The following STK24 variants were observed in gnomAD, a reference collection of about 807,000 sequenced individuals.
STK24 encodes the protein serine/threonine-protein kinase 24.
Under a neutral mutation model 55.6 loss-of-function variants are expected in STK24, and 21 were observed. That is an observed-to-expected ratio of 0.38 (90% CI 0.27 to 0.54). STK24 has a LOEUF of 0.54. STK24 is among the 20% of genes least tolerant of loss of function. The pLI is 0.79. For missense variants in STK24, 383 were observed against 538.4 expected, an observed-to-expected ratio of 0.71 and a Z score of 2.86; for synonymous variants, 200 against 215.2, an observed-to-expected ratio of 0.93 and a Z score of 0.62.
At chr13:98,469,112 C>T (rs529512788) in intron 5 of STK24, among the ~76,000 whole-genome samples, 11 of 152,334 alleles carry the variant, frequency 7.2e-5, no homozygotes, top group South Asian at 4.1e-4. Context: ...GGCGGCCGAA[C>T]GCCTGCTTGC....
chr13:98,497,967 C>T (rs1268298898), intron 2 of STK24, among the ~76,000 whole-genome samples: 1 of 152,190 alleles, frequency 6.6e-6, no homozygotes, highest in East Asian at 1.9e-4. Flanking sequence ...AGTCCCAAGC[C>T]CACACCCCAC....
At chr13:98,526,472 AAG>A in intron 1 of STK24, among the ~76,000 whole-genome samples, 1 of 152,256 alleles carries the variant, frequency 6.6e-6, no homozygotes, top group African/African-American at 2.4e-5. Context: ...AACTGAGCAG[AAG>A]AGATATTGAG....
intron 3 of STK24, among the ~76,000 whole-genome samples, chr13:98,479,719 C>T (rs1342638755): frequency 2.0e-5 from 3 of 152,192 alleles, no homozygotes; most frequent in African/African-American, 4.8e-5. Context: ...CCCTCAGCTC[C>T]GGGAGACCCT....
At chr13:98,517,661 T>C (rs1896114497) in intron 2 of STK24, among the ~76,000 whole-genome samples, 1 of 152,172 alleles carries the variant, frequency 6.6e-6, no homozygotes, top group Non-Finnish European at 1.5e-5. Flanking sequence ...ATCAAGATGC[T>C]GGCATTCCCC....
At chr13:98,515,375 G>GGGACA (rs55643226) in intron 2 of STK24, among the ~76,000 whole-genome samples, 38,705 of 151,742 alleles carry the variant, frequency 0.26, 5,089 homozygotes, top group Non-Finnish European at 0.3. Flanking sequence ...TATAATGGCT[G>GGGACA]GGACATGGAG....
At chr13:98,554,077 A>G (rs1897225992) in intron 1 of STK24, among the ~76,000 whole-genome samples, 1 of 151,892 alleles carries the variant, frequency 6.6e-6, no homozygotes, top group South Asian at 2.1e-4. Flanking sequence ...TCAAAAAAAA[A>G]AAAAAAGGAA....
chr13:98,470,181 G>C (rs1206100059), intron 5 of STK24, among the ~76,000 whole-genome samples: 1 of 152,176 alleles, frequency 6.6e-6, no homozygotes, highest in East Asian at 1.9e-4. Flanking sequence ...TCTTTTGGCA[G>C]GGAGGGGACT....
chr13:98,491,494 A>G (rs1049950632), intron 2 of STK24, among the ~76,000 whole-genome samples: 2 of 152,200 alleles, frequency 1.3e-5, no homozygotes, highest in African/African-American at 2.4e-5. Flanking sequence ...ATAAAACCTG[A>G]AATAACACAA....
intron 1 of STK24, among the ~76,000 whole-genome samples, chr13:98,554,164 T>C (rs892570874): frequency 1.9e-4 from 29 of 151,836 alleles, no homozygotes; most frequent in Non-Finnish European, 2.2e-4. Context: ...ATAAAGCATT[T>C]AAGCCCCCCA....
At chr13:98,568,653 G>A (rs1231555548) in intron 1 of STK24, among the ~76,000 whole-genome samples, 1 of 152,028 alleles carries the variant, frequency 6.6e-6, no homozygotes, top group African/African-American at 2.4e-5. Context: ...GATCACCTGA[G>A]GTCAGGAGTT....
rs1594552829 is a variant in STK24, at chr13:98,446,903, A to AGAT, written c.*6267_*6269dup. On this transcript the variant is annotated 3_prime_UTR_variant, in exon 11 of 11. Transcript: ENST00000539966. ...AGGATTTCTCCCAAGTCAGCGAGTGAGATGGCCCCACCCTTCCCTGCCAAC... is the reference window on the plus strand; with the variant it reads ...AGGATTTCTCCCAAGTCAGCGAGTGAGATGATGGCCCCACCCTTCCCTGCCAAC... 1.5e-5 allele frequency: 21 copies of AGAT among 1,429,252 alleles called. No homozygotes were observed. The East Asian group carries it at 4.8e-4, about 33-fold the overall frequency. The allele number at this position is 1,429,252 out of a possible 1,614,324, so 88.5% of individuals were successfully genotyped here. A position where few individuals can be genotyped will look rare whatever the true frequency, so the allele number is the denominator to read the frequency against.
chr13:98,476,318 T>A (rs9584857), intron 3 of STK24, among the ~76,000 whole-genome samples: 1 of 150,504 alleles, frequency 6.6e-6, no homozygotes, highest in African/African-American at 2.4e-5. Context: ...AAGCCACCAG[T>A]GCTCCCCGGA....
chr13:98,564,618 C>T (rs1026651045), intron 1 of STK24, among the ~76,000 whole-genome samples: 1 of 152,174 alleles, frequency 6.6e-6, no homozygotes, highest in Non-Finnish European at 1.5e-5. Context: ...GAGCAGCAGG[C>T]AATACCACAG....
chr13:98,523,758 C>T (rs1001660700), intron 1 of STK24, among the ~76,000 whole-genome samples: 1 of 152,234 alleles, frequency 6.6e-6, no homozygotes, highest in Non-Finnish European at 1.5e-5. Flanking sequence ...TCCACAGAAT[C>T]ACGAGAAATC....
intron 2 of STK24, among the ~76,000 whole-genome samples, chr13:98,494,215 T>G: frequency 1.4e-5 from 2 of 145,190 alleles, no homozygotes; most frequent in Admixed American, 6.8e-5. Flanking sequence ...ATCGAGACCA[T>G]CCTGGCTAAC....
In STK24 at chr13:98,445,802, G is replaced by T; in HGVS notation, c.*7371C>A. On this transcript the variant is annotated 3_prime_UTR_variant, in exon 11 of 11. Coordinates refer to ENST00000539966, the MANE Select transcript of STK24 (RefSeq NM_001032296.4). The stretch of plus-strand genomic sequence containing the variant: ...TCGTCTTCACTAGTTACCCTGCAAC[G>T]AGCCTATTTCCAAATAAGCCTGTGT... 1 of 275,204 alleles carries T rather than the reference G, an allele frequency of 3.6e-6. No individual in the cohort carries two copies. The highest frequency in any genetic ancestry group is 4.9e-5 in the South Asian group (1 of 20,224). The allele number at this position is 275,204 out of a possible 1,614,324, so 17.0% of individuals were successfully genotyped here. A position where few individuals can be genotyped will look rare whatever the true frequency, so the allele number is the denominator to read the frequency against.
At chr13:98,460,562 A>G in intron 8 of STK24, 122 bp from the exon 9 acceptor site, 1 of 738,078 alleles carries the variant, frequency 1.4e-6, no homozygotes. Context: ...CACGCTGAGG[A>G]AACACCCTCT....
At chr13:98,472,501 C>CT (rs1894191516) in intron 5 of STK24, among the ~76,000 whole-genome samples, 1 of 152,162 alleles carries the variant, frequency 6.6e-6, no homozygotes, top group Admixed American at 6.5e-5. Context: ...TTCCACGGCA[C>CT]TTTGCATGAT....
At chr13:98,510,905 A>AT (rs909736075) in intron 2 of STK24, among the ~76,000 whole-genome samples, 4 of 152,106 alleles carry the variant, frequency 2.6e-5, no homozygotes, top group African/African-American at 7.2e-5. Flanking sequence ...AAAGGTTTTT[A>AT]TTTTTTTACT....
Sources: gnomAD v4.1 joint callset for allele counts (sites outside exome capture counted in the v4.1 genomes callset) on GRCh38, gnomAD v4.1.1 for gene constraint, MANE v1.5 for transcripts, NCBI Gene and HGNC (gene_info 2026-07-23, HGNC 2026-07-21) for gene names.